Variants in PKHD1 observed in about 807,000 individuals in gnomAD.
PKHD1 encodes fibrocystin.
A neutral mutation model predicts 412.0 loss-of-function variants in PKHD1; 291 were observed. The ratio of observed to expected loss-of-function variants is 0.71; its 90% confidence interval spans 0.64 to 0.78. The LOEUF (loss-of-function observed/expected upper bound fraction) is 0.78. Ranked by LOEUF, PKHD1 falls within the 30% of genes least tolerant of loss-of-function variation. The pLI is 0.00. For missense variants in PKHD1, 4,825 were observed against 4,950.7 expected, an observed-to-expected ratio of 0.97 and a Z score of 0.76; for synonymous variants, 1,777 against 1,821.5, an observed-to-expected ratio of 0.98 and a Z score of 0.62.
intron 36 of PKHD1, among the ~76,000 whole-genome samples, chr6:51,951,494 T>C (rs1790358989): frequency 6.6e-6 from 1 of 152,194 alleles, no homozygotes; most frequent in Non-Finnish European, 1.5e-5. Flanking sequence ...TACACCTCTC[T>C]AAGCAACTTG....
At chr6:51,786,165 C>T (rs9382023) in intron 53 of PKHD1, among the ~76,000 whole-genome samples, 89,075 of 151,838 alleles carry the variant, frequency 0.59, 26,885 homozygotes, top group East Asian at 0.83. Flanking sequence ...GGAAAGGGCA[C>T]TCATTCCTGG....
intron 23 of PKHD1, among the ~76,000 whole-genome samples, chr6:52,046,510 G>T (rs1362384511): frequency 6.6e-6 from 1 of 152,146 alleles, no homozygotes; most frequent in East Asian, 1.9e-4. Flanking sequence ...CCCTTGTAAT[G>T]CCTGAAAGCA....
At chr6:52,007,431 C>G (rs1799230864) in intron 35 of PKHD1, among the ~76,000 whole-genome samples, 1 of 152,164 alleles carries the variant, frequency 6.6e-6, no homozygotes, top group Non-Finnish European at 1.5e-5. Flanking sequence ...TTCCCCACGC[C>G]CAGATAACCA....
intron 52 of PKHD1, among the ~76,000 whole-genome samples, chr6:51,800,340 C>T (rs186069366): frequency 5.3e-4 from 81 of 152,204 alleles, no homozygotes; most frequent in African/African-American, 1.8e-3. Flanking sequence ...GGAAAGTTAA[C>T]AATAAGGAGA....
chr6:51,744,480 A>T lies in PKHD1; in HGVS notation c.10061T>A (p.Phe3354Tyr). Residue 3354 changes from phenylalanine to tyrosine, a missense_variant, in exon 60 of 67, where the codon TTC (phenylalanine) becomes TAC (tyrosine). Transcript: ENST00000371117. ...CAGGGCTCTCCCATCCAGATCCTTG[A>T]AGAGATATTTTCTTGGACTTGCACA... ...LDCASPRKYL[F>Y]KDLDGRALGL... 1 of 1,613,104 alleles carries T rather than the reference A, an allele frequency of 6.2e-7. No homozygotes were observed. Among genetic ancestry groups the T allele is most frequent in the Non-Finnish European group, 8.5e-7 (1 of 1,179,090 alleles).
At chr6:51,992,390 G>A (rs1292636179) in intron 35 of PKHD1, among the ~76,000 whole-genome samples, 22 of 152,110 alleles carry the variant, frequency 1.4e-4, no homozygotes, top group Admixed American at 1.2e-3. Context: ...TCATTTTAAT[G>A]TTTGAAAAGT....
chr6:52,003,667 C>T (rs535321449), intron 35 of PKHD1, among the ~76,000 whole-genome samples: 23 of 152,298 alleles, frequency 1.5e-4, no homozygotes, highest in Non-Finnish European at 3.4e-4. Context: ...TTCTATGACA[C>T]TACCACAAGA....
At chr6:51,708,900 G>T (rs1423847121) in intron 60 of PKHD1, among the ~76,000 whole-genome samples, 1 of 152,148 alleles carries the variant, frequency 6.6e-6, no homozygotes, top group Admixed American at 6.5e-5. Context: ...AGAAGAAAAA[G>T]AGAAAAAGAA....
chr6:52,066,118 T>C (rs372562523), intron 11 of PKHD1, 41 bp from the exon 12 acceptor site: 110 of 882,214 alleles, frequency 1.2e-4, no homozygotes, highest in Non-Finnish European at 2.0e-4. Flanking sequence ...CTTCCAAATA[T>C]AGACCAGAAT....
chr6:51,756,346 G>T (rs930094528), intron 55 of PKHD1, among the ~76,000 whole-genome samples: 2 of 152,128 alleles, frequency 1.3e-5, no homozygotes, highest in Non-Finnish European at 2.9e-5. Flanking sequence ...AATACATGGA[G>T]CCAGTGATTG....
Position 51,868,079 on chromosome 6 carries a change from T to A in PKHD1, c.7517A>T (p.Lys2506Met), listed in dbSNP as rs748024248. Residue 2506 changes from lysine to methionine, a missense_variant, in exon 48 of 67, where the codon AAG (lysine) becomes ATG (methionine). Physicochemically the swap from Lys to Met is moderately conservative, Grantham distance 95. Transcript: ENST00000371117. ...CACTAAGTTTGAAGAGTTTGTAAAC[T>A]TCAACTGGCTGGTCTTCACAGTAAA... The part of the protein sequence containing the change: ...GGFTVKTSQL[K>M]FTNSSNLVAF... 6.2e-7 allele frequency: 1 copy of A among 1,612,148 alleles called. No homozygotes were observed. Among genetic ancestry groups the A allele is most frequent in the Non-Finnish European group, 8.5e-7 (1 of 1,178,332 alleles).
rs2580000 is a variant in PKHD1 at position 51,623,976 on chromosome 6, G to A, written c.11785+3021C>T. ...AATGACTTATGTGTTTTCCTCATTT[G>A]AATATGAATTCCTCTAATATTCCAT... is the stretch of plus-strand genomic sequence containing the variant. On this transcript the variant is annotated intron_variant, in intron 66 of 66. Coordinates refer to ENST00000371117, the MANE Select transcript of PKHD1 (RefSeq NM_138694.4). Among the ~76,000 whole-genome samples, 1,203 of 152,264 alleles carry A rather than the reference G, an allele frequency of 7.9e-3. 13 individuals carry two copies. The highest frequency in any genetic ancestry group is 0.027 in the African/African-American group (1,127 of 41,556).
In PKHD1 at chr6:51,747,849, G is replaced by A. The variant is rs746392502; in HGVS notation, c.9767C>T (p.Pro3256Leu). The change falls in exon 58 of 67, where the codon CCT becomes CTT. Residue 3256 changes from proline (P) to leucine (L), a missense_variant. Coordinates refer to ENST00000371117, the MANE Select transcript of PKHD1 (RefSeq NM_138694.4). ...CCTCACTTTGTGCCATGGCTCCTGA[G>A]GCCACTGATTTGGTTCTGAGGTGAA... ...PVFTSEPNQW[P>L]QEPWHKVRND... 2.5e-6 allele frequency: 4 copies of A among 1,613,756 alleles called. No individual in the cohort carries two copies. Among genetic ancestry groups the A allele is most frequent in the Admixed American group, 3.3e-5 (2 of 59,958 alleles).
chr6:52,029,335 T>C (rs1802700313), intron 29 of PKHD1, among the ~76,000 whole-genome samples: 1 of 152,250 alleles, frequency 6.6e-6, no homozygotes, highest in Admixed American at 6.5e-5. Context: ...AACACTTTCA[T>C]GCAATTTCTT....
intron 61 of PKHD1, among the ~76,000 whole-genome samples, chr6:51,650,033 C>T (rs1439284132): frequency 6.6e-6 from 1 of 151,974 alleles, no homozygotes; most frequent in Non-Finnish European, 1.5e-5. Flanking sequence ...AACTGAGGTC[C>T]AAAAAGGCTT....
intron 5 of PKHD1, among the ~76,000 whole-genome samples, chr6:52,078,923 T>C (rs996490912): frequency 7.2e-5 from 11 of 152,216 alleles, no homozygotes; most frequent in Admixed American, 2.6e-4. Context: ...AGAAACAAGT[T>C]ATTAAACCTG....
chr6:51,970,223 C>T (rs1341194834), intron 35 of PKHD1, among the ~76,000 whole-genome samples: 1 of 152,078 alleles, frequency 6.6e-6, no homozygotes, highest in Non-Finnish European at 1.5e-5. Context: ...GCTTATCTGC[C>T]ATTTCTGTGT....
intron 43 of PKHD1, among the ~76,000 whole-genome samples, chr6:51,896,053 T>A (rs1246824299): frequency 6.6e-6 from 1 of 152,066 alleles, no homozygotes; most frequent in Non-Finnish European, 1.5e-5. Context: ...AGCACAGCAG[T>A]CTGAGATCAA....
At chr6:51,797,167 G>C (rs1020907280) in intron 52 of PKHD1, among the ~76,000 whole-genome samples, 1 of 152,076 alleles carries the variant, frequency 6.6e-6, no homozygotes, top group African/African-American at 2.4e-5. Context: ...TGCTATGAGA[G>C]ACTGTTATTA....
Sources: allele counts gnomAD v4.1 joint callset (sites outside exome capture counted in the v4.1 genomes callset), GRCh38; gene constraint gnomAD v4.1.1; transcripts MANE v1.5; gene names NCBI Gene and HGNC (gene_info 2026-07-23, HGNC 2026-07-21).